The following SAMD5 variants were observed in gnomAD, a reference collection of about 807,000 sequenced individuals.
SAMD5 encodes sterile alpha motif domain containing 5, also known as sterile alpha motif domain-containing protein 5.
Under a neutral mutation model 11.3 loss-of-function variants are expected in SAMD5, and 13 were observed. The observed-to-expected ratio is 1.15, with a 90% CI of 0.75 to 1.83. SAMD5 has a LOEUF of 1.83. SAMD5 is among the 40% of genes most tolerant of loss of function. The probability of loss-of-function intolerance (pLI) is 0.00; values close to 1 mark genes in which losing one functional copy is unlikely to be tolerated. For synonymous variants in SAMD5, 129 were observed against 111.3 expected, an observed-to-expected ratio of 1.16 and a Z score of -1.00; for missense variants, 255 against 239.1, an observed-to-expected ratio of 1.07 and a Z score of -0.44.
At chr6:147,953,679 A>G in the SAMD5 span, 16 of 152,358 alleles carry the variant, frequency 1.1e-4, no homozygotes, top group Admixed American at 9.8e-4. Context: ...AGTTATTAAC[A>G]TATGTTGTAG....
the SAMD5 span, among the ~76,000 whole-genome samples, chr6:147,854,515 A>G: frequency 6.6e-6 from 1 of 152,212 alleles, no homozygotes. Context: ...GTGAGAGATG[A>G]TGACAGATTA....
At chr6:147,952,796 G>C in the SAMD5 span, among the ~76,000 whole-genome samples, 1 of 152,308 alleles carries the variant, frequency 6.6e-6, no homozygotes, top group South Asian at 2.1e-4. Context: ...TTACTGGCGT[G>C]AGCCACCGCA....
At chr6:147,796,516 G>C in the SAMD5 span, among the ~76,000 whole-genome samples, 1 of 152,118 alleles carries the variant, frequency 6.6e-6, no homozygotes, top group Non-Finnish European at 1.5e-5. Flanking sequence ...CTCCAGCTTT[G>C]TTCTTTTGGC....
chr6:147,940,349 A>G, the SAMD5 span, among the ~76,000 whole-genome samples: 1 of 152,040 alleles, frequency 6.6e-6, no homozygotes, highest in Admixed American at 6.6e-5. Context: ...CCTTTTCCAT[A>G]TTCTACTAGT....
chr6:147,744,226 C>T, the SAMD5 span, among the ~76,000 whole-genome samples: 3 of 152,140 alleles, frequency 2.0e-5, no homozygotes, highest in African/African-American at 7.2e-5. Context: ...CTTAACCTCT[C>T]TGAGTCTTAG....
chr6:147,587,554 A>G (rs1001170545), intron 1 of SAMD5, among the ~76,000 whole-genome samples: 2 of 152,150 alleles, frequency 1.3e-5, no homozygotes, highest in African/African-American at 4.8e-5. Flanking sequence ...ATGACTATTG[A>G]TGCTGTTCTA....
chr6:147,606,519 T>G (rs1172997601), intron 1 of SAMD5, among the ~76,000 whole-genome samples: 1 of 151,374 alleles, frequency 6.6e-6, no homozygotes, highest in Non-Finnish European at 1.5e-5. Context: ...TACCCCTGCA[T>G]TTTTGCTTTT....
At chr6:147,620,842 T>C (rs191619428) in intron 1 of SAMD5, among the ~76,000 whole-genome samples, 1 of 152,190 alleles carries the variant, frequency 6.6e-6, no homozygotes. Context: ...TCAATTTGGA[T>C]GTTGGGACTG....
chr6:147,939,810 ATTTT>A, the SAMD5 span, among the ~76,000 whole-genome samples: 15,144 of 147,104 alleles, frequency 0.1, 1,016 homozygotes, highest in South Asian at 0.29. Flanking sequence ...ATACCCCAGC[ATTTT>A]TTTTTTTTTA....
chr6:147,865,380 TAGAG>T, the SAMD5 span, among the ~76,000 whole-genome samples: 2 of 145,164 alleles, frequency 1.4e-5, no homozygotes, highest in African/African-American at 2.5e-5. Context: ...GGGAGAGAGA[TAGAG>T]AGGGCAAAGA....
the SAMD5 span, among the ~76,000 whole-genome samples, chr6:147,887,871 G>A: frequency 1.3e-5 from 2 of 152,102 alleles, no homozygotes. Context: ...ATACTATGTG[G>A]GTAGTGATAT....
chr6:147,609,824 G>A (rs1789756184), intron 1 of SAMD5, among the ~76,000 whole-genome samples: 1 of 152,102 alleles, frequency 6.6e-6, no homozygotes, highest in Admixed American at 6.6e-5. Context: ...CCAAAGTGCT[G>A]GGATTATAGG....
chr6:147,854,406 T>C, the SAMD5 span, among the ~76,000 whole-genome samples: 1 of 152,146 alleles, frequency 6.6e-6, no homozygotes, highest in Non-Finnish European at 1.5e-5. Context: ...GAAGCAAATA[T>C]GGCCTGAGCT....
intron 1 of SAMD5, among the ~76,000 whole-genome samples, chr6:147,580,734 G>C (rs1396146693): frequency 6.6e-6 from 1 of 152,050 alleles, no homozygotes; most frequent in Non-Finnish European, 1.5e-5. Context: ...CTATTTCCTT[G>C]ACAATATATA....
the SAMD5 span, among the ~76,000 whole-genome samples, chr6:147,899,629 C>T: frequency 1.3e-5 from 2 of 152,218 alleles, no homozygotes; most frequent in South Asian, 2.1e-4. Flanking sequence ...TCTTGTCTTA[C>T]TCCAGCCTGT....
chr6:147,729,082 G>A (rs1562361744), intron 1 of SAMD5, among the ~76,000 whole-genome samples: 1 of 152,182 alleles, frequency 6.6e-6, no homozygotes, highest in Non-Finnish European at 1.5e-5. Flanking sequence ...TGAGGCCTTT[G>A]TCCTTGGCTT....
chr6:147,837,509 A>C, the SAMD5 span, among the ~76,000 whole-genome samples: 2 of 152,246 alleles, frequency 1.3e-5, no homozygotes, highest in Non-Finnish European at 2.9e-5. Context: ...GGAAACTGTT[A>C]GAACAAAATG....
At chr6:147,624,333 C>G (rs1335785405) in intron 1 of SAMD5, among the ~76,000 whole-genome samples, 3 of 152,162 alleles carry the variant, frequency 2.0e-5, no homozygotes, top group Non-Finnish European at 4.4e-5. Context: ...TAGCCCACCC[C>G]CCAGGGGATG....
At chr6:147,528,700 G>A (rs181934335) in intron 1 of SAMD5, among the ~76,000 whole-genome samples, 1 of 152,288 alleles carries the variant, frequency 6.6e-6, no homozygotes, top group African/African-American at 2.4e-5. Context: ...GGTAGGAATT[G>A]GAGCTTGAAT....
Sources: allele counts gnomAD v4.1 joint callset (sites outside exome capture counted in the v4.1 genomes callset), GRCh38; gene constraint gnomAD v4.1.1; transcripts MANE v1.5; gene names NCBI Gene and HGNC (gene_info 2026-07-23, HGNC 2026-07-21).